EDA2R: variants seen among roughly 807,000 people sequenced by gnomAD.
The protein encoded by EDA2R is tumor necrosis factor receptor superfamily member 27.
Under a neutral mutation model 20.1 loss-of-function variants are expected in EDA2R, and 26 were observed. That is an observed-to-expected ratio of 1.30 (90% confidence interval 0.95 to 1.80). The LOEUF (loss-of-function observed/expected upper bound fraction) is 1.80, where lower values mean the gene tolerates loss of function less well. Among genes scored for constraint, EDA2R ranks in the 40% most tolerant of loss-of-function variants. The pLI, the probability that EDA2R is intolerant of heterozygous loss-of-function variation, is 0.00. For synonymous variants in EDA2R, 114 were observed against 88.7 expected, an observed-to-expected ratio of 1.29 and a Z score of -1.60; for missense variants, 277 against 228.7, an observed-to-expected ratio of 1.21 and a Z score of -1.36.
At chrX:66,628,327 AAGATC>A (rs1488541932) in intron 1 of EDA2R, among the ~76,000 whole-genome samples, 11 of 110,917 alleles carry the variant, frequency 9.9e-5, no homozygotes, top group African/African-American at 3.6e-4. Context: ...GGAAATAACC[AAGATC>A]AGAGCAGAAC....
rs147641504 is a variant in EDA2R, at chrX:66,615,942, G to A, written c.79C>T (p.Leu27=). The change falls in exon 2 of 7, where the codon CTA becomes TTA. Residue 27 remains leucine, a synonymous_variant. Coordinates refer to ENST00000374719, the MANE Select transcript of EDA2R (RefSeq NM_021783.5). ...TGAATAGGATAACTTACCTTGGATAGCTCCTGTCCAGGACCACACCGTTGG... is the reference window on the plus strand; with the variant it reads ...TGAATAGGATAACTTACCTTGGATAACTCCTGTCCAGGACCACACCGTTGG... ...TCQRCGPGQE[L]SKDCGYGEGG... is the part of the protein sequence containing the mutation. 1.1e-3 allele frequency: 1,274 copies of A among 1,205,285 alleles called. 9 individuals are homozygous for A. In the African/African-American group the frequency reaches 0.019, roughly 18 times the overall value.
At position 66,596,596 on chromosome X, in the gene EDA2R, G is replaced by T. The variant is rs191827753; in HGVS notation, c.*1508C>A. The stretch of plus-strand genomic sequence containing the variant: ...GAGCAGCAGTGTCAAATGTGGGCTT[G>T]AACCACTGCCAGCCACATGGCAACC... On this transcript the variant is annotated 3_prime_UTR_variant, in exon 7 of 7. Transcript: ENST00000374719. 20 of 110,918 alleles carry T rather than the reference G, an allele frequency of 1.8e-4. No homozygotes were observed. In the Admixed American group the frequency reaches 1.8e-3, roughly 10 times the overall value. The allele number at this position is 110,918 out of a possible 1,213,427, so 9.1% of individuals were successfully genotyped here.
chrX:66,627,310 A>G (rs1306020172), intron 1 of EDA2R, among the ~76,000 whole-genome samples: 1 of 112,363 alleles, frequency 8.9e-6, no homozygotes, highest in Non-Finnish European at 1.9e-5. Flanking sequence ...AATGGCCTAA[A>G]TGCTCCACTT....
At chrX:66,609,660 C>A (rs770918136) in intron 2 of EDA2R, among the ~76,000 whole-genome samples, 1 of 111,632 alleles carries the variant, frequency 9.0e-6, no homozygotes, top group African/African-American at 3.3e-5. Flanking sequence ...TACTGACCAG[C>A]GATGTGACCT....
At chrX:66,611,569 G>A (rs1930736483) in intron 2 of EDA2R, among the ~76,000 whole-genome samples, 1 of 111,330 alleles carries the variant, frequency 9.0e-6, no homozygotes, top group Admixed American at 9.6e-5. Context: ...GATGGGCTTA[G>A]TAGTAGAGAA....
intron 1 of EDA2R, among the ~76,000 whole-genome samples, chrX:66,621,529 A>G (rs2147895974): frequency 8.9e-6 from 1 of 112,728 alleles, no homozygotes; most frequent in South Asian, 3.6e-4. Context: ...AATGGTAAAC[A>G]AAATGTGGTT....
At chrX:66,598,335 G>C (rs1054755023) in intron 6 of EDA2R, among the ~76,000 whole-genome samples, 2 of 112,017 alleles carry the variant, frequency 1.8e-5, no homozygotes, top group African/African-American at 6.5e-5. Context: ...GTATTCTCCA[G>C]AGAGGTGGTG....
At chrX:66,615,659 C>A (rs1043627717) in intron 2 of EDA2R, among the ~76,000 whole-genome samples, 2 of 111,364 alleles carry the variant, frequency 1.8e-5, no homozygotes, top group African/African-American at 3.3e-5. Context: ...TGACAGATTA[C>A]CCTAATGCTG....
Position 66,597,488 on chromosome X carries a change from T to A in EDA2R, c.*616A>T, listed in dbSNP as rs770200368. On this transcript the variant is annotated 3_prime_UTR_variant, in exon 7 of 7. Transcript: ENST00000374719. ...TGCTGAGGGTGGTGAGAACCTCAAA[T>A]ACAGGGTGAGGCCCCAGGGATCTAG... is the stretch of plus-strand genomic sequence containing the variant. The A allele has an allele frequency of 2.0e-4, 22 of 111,855 alleles. No homozygotes were observed. Among genetic ancestry groups the A allele is most frequent in the African/African-American group, 6.5e-4 (20 of 30,808 alleles). 9.2% of individuals were successfully genotyped at this position (111,855 alleles called of 1,213,427 possible). A position where few individuals can be genotyped will look rare whatever the true frequency, so the allele number is the denominator to read the frequency against.
chrX:66,623,111 G>C (rs181892903), intron 1 of EDA2R, among the ~76,000 whole-genome samples: 129 of 112,162 alleles, frequency 1.2e-3, no homozygotes, highest in African/African-American at 3.9e-3. Context: ...GTTGTAGTTA[G>C]TCAAAAATGT....
intron 1 of EDA2R, among the ~76,000 whole-genome samples, chrX:66,619,125 C>T (rs1932190299): frequency 9.0e-6 from 1 of 111,290 alleles, no homozygotes; most frequent in Non-Finnish European, 1.9e-5. Context: ...AAAGGAAAGG[C>T]ACCCAAGCTT....
intron 1 of EDA2R, among the ~76,000 whole-genome samples, chrX:66,619,214 C>T (rs1260869226): frequency 9.0e-6 from 1 of 111,508 alleles, no homozygotes; most frequent in African/African-American, 3.3e-5. Flanking sequence ...CCTCATTAAT[C>T]GCAACCACCA....
chrX:66,605,047 C>T lies in EDA2R; in HGVS notation c.266+1G>A. 19 of 1,197,896 alleles carry T rather than the reference C, an allele frequency of 1.6e-5. No individual in the cohort carries two copies. Among genetic ancestry groups the T allele is most frequent in the Non-Finnish European group, 2.1e-5 (19 of 888,351 alleles). On this transcript the variant is annotated splice_donor_variant, in intron 3 of 6. Transcript: ENST00000374719. LOFTEE classifies it high-confidence loss of function. ...AGCTTGGTCTCATAAAGCAAGCTCA[C>T]CTGGGCAAACAGTCCCCACAGACAG...
intron 1 of EDA2R, among the ~76,000 whole-genome samples, chrX:66,637,669 C>T (rs1032948963): frequency 1.8e-5 from 2 of 112,463 alleles, no homozygotes; most frequent in African/African-American, 6.5e-5. Flanking sequence ...TCTCTATCTC[C>T]ACCTGTTGAA....
chrX:66,614,849 T>C (rs1253690166), intron 2 of EDA2R, among the ~76,000 whole-genome samples: 1 of 111,695 alleles, frequency 9.0e-6, no homozygotes. Context: ...CAAGCTGCTA[T>C]CTGGTCTGGT....
chrX:66,621,724 T>C (rs1199332077), intron 1 of EDA2R, among the ~76,000 whole-genome samples: 1 of 112,003 alleles, frequency 8.9e-6, no homozygotes, highest in African/African-American at 3.2e-5. Context: ...CTAGCTTTAG[T>C]GGATATCAGG....
intron 1 of EDA2R, among the ~76,000 whole-genome samples, chrX:66,617,798 G>T (rs1321155060): frequency 1.8e-5 from 2 of 110,175 alleles, no homozygotes; most frequent in African/African-American, 6.6e-5. Flanking sequence ...GTGCCAAATT[G>T]AGCAGAGGGA....
Position 66,599,545 on chromosome X carries a change from G to C in EDA2R, c.833C>G (p.Thr278Arg), listed in dbSNP as rs766861919. 3 of 1,187,986 alleles carry C rather than the reference G, an allele frequency of 2.5e-6. No individual in the cohort carries two copies. The East Asian group carries it at 9.2e-5, about 36-fold the overall frequency. ...YTGAETLGGN[T>R]VESTGDRLEL... ...CAGCCTGTCTCCAGTGCTTTCGACT[G>C]TGTTTCCCCCCAAGGTCTCAGCTCC... The change falls in exon 6 of 7, where the codon ACA becomes AGA. Residue 278 changes from threonine (T) to arginine (R), a missense_variant. Thr to Arg is a moderately conservative substitution (Grantham distance 71). Coordinates refer to ENST00000374719, the MANE Select transcript of EDA2R (RefSeq NM_021783.5).
At chrX:66,604,299 G>T in intron 4 of EDA2R, 122 bp downstream of exon 4, 1 of 521,240 alleles carries the variant, frequency 1.9e-6, no homozygotes, top group Non-Finnish European at 3.0e-6. Flanking sequence ...CTTCTAATCT[G>T]ATTCCCTTGC....
Sources: gnomAD v4.1 joint callset for allele counts (sites outside exome capture counted in the v4.1 genomes callset) on GRCh38, gnomAD v4.1.1 for gene constraint, MANE v1.5 for transcripts, NCBI Gene and HGNC (gene_info 2026-07-23, HGNC 2026-07-21) for gene names.